The following CSMD1 variants were observed in gnomAD, a reference collection of about 807,000 sequenced individuals.
The protein encoded by CSMD1 is CUB and sushi domain-containing protein 1.
CSMD1 carries 213 observed loss-of-function variants against 417.5 expected under a neutral mutation model. The ratio of observed to expected loss-of-function variants is 0.51; its 90% CI spans 0.46 to 0.57. The LOEUF (loss-of-function observed/expected upper bound fraction) is 0.57. Ranked by LOEUF, CSMD1 falls within the 20% of genes least tolerant of loss-of-function variation. CSMD1 has a pLI of 0.00. For missense variants in CSMD1, 6,923 were observed against 4,529.7 expected, an observed-to-expected ratio of 1.53 and a Z score of -15.17; for synonymous variants, 2,862 against 1,736.8, an observed-to-expected ratio of 1.65 and a Z score of -16.11.
chr8:3,627,231 G>T (rs1475834376), intron 7 of CSMD1, among the ~76,000 whole-genome samples: 1 of 152,128 alleles, frequency 6.6e-6, no homozygotes, highest in East Asian at 1.9e-4. Context: ...CTGAGTTTAA[G>T]ATTGTGATAA....
intron 5 of CSMD1, among the ~76,000 whole-genome samples, chr8:3,791,935 C>G (rs1799767546): frequency 6.6e-6 from 1 of 152,146 alleles, no homozygotes; most frequent in Admixed American, 6.5e-5. Flanking sequence ...ATAGCGTTTG[C>G]ACCAACCTAA....
intron 10 of CSMD1, among the ~76,000 whole-genome samples, chr8:3,498,109 A>G (rs563800358): frequency 1.3e-5 from 2 of 152,048 alleles, no homozygotes; most frequent in Non-Finnish European, 2.9e-5. Context: ...TTCTTTCAGC[A>G]TTTTCATTAT....
intron 3 of CSMD1, among the ~76,000 whole-genome samples, chr8:4,386,588 C>T (rs145853997): frequency 0.015 from 2,281 of 152,310 alleles, 29 homozygotes; most frequent in Non-Finnish European, 0.022. Flanking sequence ...AGGCCTGTTA[C>T]GGCAGGGCAT....
At chr8:4,024,935 T>C (rs951697950) in intron 4 of CSMD1, among the ~76,000 whole-genome samples, 1 of 152,104 alleles carries the variant, frequency 6.6e-6, no homozygotes, top group African/African-American at 2.4e-5. Flanking sequence ...GGTGTTCAGG[T>C]GAGGGAGCAT....
At chr8:3,661,234 C>G (rs1408971209) in intron 7 of CSMD1, among the ~76,000 whole-genome samples, 1 of 152,188 alleles carries the variant, frequency 6.6e-6, no homozygotes, top group Admixed American at 6.5e-5. Context: ...GCATCTGTAA[C>G]AAGAGCTCAG....
intron 25 of CSMD1, among the ~76,000 whole-genome samples, chr8:3,286,081 G>C (rs1441074499): frequency 1.3e-5 from 2 of 152,016 alleles, no homozygotes; most frequent in Non-Finnish European, 2.9e-5. Flanking sequence ...GAGGCGTTTG[G>C]TTTTTTGTCC....
intron 57 of CSMD1, among the ~76,000 whole-genome samples, chr8:2,968,692 AT>A (rs1454042375): frequency 6.6e-6 from 1 of 152,194 alleles, no homozygotes; most frequent in Non-Finnish European, 1.5e-5. Context: ...ATTATGTAAA[AT>A]TATAAGACAG....
intron 2 of CSMD1, among the ~76,000 whole-genome samples, chr8:4,481,484 T>C (rs1801099136): frequency 6.6e-6 from 1 of 152,210 alleles, no homozygotes; most frequent in South Asian, 2.1e-4. Context: ...TGGGAAGGCA[T>C]ATGAGATTTG....
chr8:3,506,162 C>T (rs1036680509), intron 10 of CSMD1, among the ~76,000 whole-genome samples: 2 of 152,090 alleles, frequency 1.3e-5, no homozygotes, highest in Non-Finnish European at 2.9e-5. Flanking sequence ...AGGGAGGCAG[C>T]TGAAACTCAA....
At chr8:2,981,757 G>C (rs1266783704) in intron 54 of CSMD1, among the ~76,000 whole-genome samples, 1 of 152,108 alleles carries the variant, frequency 6.6e-6, no homozygotes, top group Non-Finnish European at 1.5e-5. Context: ...TATGTGGAAA[G>C]GTAAAAGAAG....
chr8:4,053,720 G>T (rs543064233), intron 3 of CSMD1, among the ~76,000 whole-genome samples: 1 of 152,074 alleles, frequency 6.6e-6, no homozygotes, highest in Non-Finnish European at 1.5e-5. Flanking sequence ...GGAGGAAAAT[G>T]CTCCAGAACT....
At chr8:3,783,417 G>A (rs1323769630) in intron 5 of CSMD1, among the ~76,000 whole-genome samples, 1 of 152,206 alleles carries the variant, frequency 6.6e-6, no homozygotes, top group East Asian at 1.9e-4. Context: ...CAGTCAGGCG[G>A]CCCTGGGCGG....
intron 1 of CSMD1, among the ~76,000 whole-genome samples, chr8:4,882,935 G>A (rs189399166): frequency 6.6e-6 from 1 of 151,976 alleles, no homozygotes; most frequent in Non-Finnish European, 1.5e-5. Flanking sequence ...AAACCATCAA[G>A]AGGGAGCTAG....
chr8:3,793,781 C>T (rs762399741), intron 5 of CSMD1, among the ~76,000 whole-genome samples: 30 of 152,096 alleles, frequency 2.0e-4, no homozygotes, highest in Non-Finnish European at 4.0e-4. Context: ...CGACAGAGAC[C>T]TTGCCTTCTA....
chr8:4,111,790 G>T (rs901370101), intron 3 of CSMD1, among the ~76,000 whole-genome samples: 1 of 152,090 alleles, frequency 6.6e-6, no homozygotes, highest in East Asian at 1.9e-4. Context: ...GTGAGGGAGA[G>T]CATCAGGATA....
At chr8:4,379,015 A>G (rs910292034) in intron 3 of CSMD1, among the ~76,000 whole-genome samples, 6 of 152,224 alleles carry the variant, frequency 3.9e-5, no homozygotes, top group Admixed American at 6.5e-5. Context: ...GTAGCAAAGT[A>G]TCTTCTTCAA....
chr8:3,811,723 A>G (rs1007025123), intron 5 of CSMD1, among the ~76,000 whole-genome samples: 1 of 152,086 alleles, frequency 6.6e-6, no homozygotes, highest in African/African-American at 2.4e-5. Context: ...GTGAAAGCGG[A>G]TTTCACAATG....
intron 37 of CSMD1, among the ~76,000 whole-genome samples, chr8:3,168,384 G>C (rs891729451): frequency 2.6e-5 from 4 of 152,108 alleles, no homozygotes; most frequent in African/African-American, 9.7e-5. Flanking sequence ...GCACAGGTAT[G>C]GCACACCCTA....
At chr8:3,236,049 C>A (rs186335512) in intron 26 of CSMD1, among the ~76,000 whole-genome samples, 1 of 150,882 alleles carries the variant, frequency 6.6e-6, no homozygotes, top group East Asian at 2.0e-4. Flanking sequence ...TCCGGAGTAG[C>A]TGGGACTACA....
Sources: allele counts gnomAD v4.1 joint callset (sites outside exome capture counted in the v4.1 genomes callset), GRCh38; gene constraint gnomAD v4.1.1; transcripts MANE v1.5; gene names NCBI Gene and HGNC (gene_info 2026-07-23, HGNC 2026-07-21).